SNX29: variants seen among roughly 807,000 people sequenced by gnomAD.
The protein encoded by SNX29 is sorting nexin 29, also known as sorting nexin-29.
Under a neutral mutation model 102.1 loss-of-function variants are expected in SNX29, and 78 were observed. The observed-to-expected ratio is 0.76, with a 90% CI of 0.64 to 0.92. The LOEUF is 0.92. SNX29 is among the 40% of genes least tolerant of loss of function. SNX29 has a pLI of 0.00. For synonymous variants in SNX29, 580 were observed against 414.5 expected (o/e 1.40, Z -4.85); for missense variants, 1,280 against 1,061.7 (o/e 1.21, Z -2.86).
rs140180813 is a variant in SNX29 at position 12,157,911 on chromosome 16, C to A, written c.1595+28153C>A. On this transcript the variant is annotated intron_variant, in intron 13 of 20. Coordinates refer to ENST00000566228, the MANE Select transcript of SNX29 (RefSeq NM_032167.5). Reference sequence around the variant, plus strand: ...CATCAGGAGCCAGCTGCAGTGTCACCACCTCTGTGAAGGCGCCGTGATTCC... The same window carrying A: ...CATCAGGAGCCAGCTGCAGTGTCACAACCTCTGTGAAGGCGCCGTGATTCC... 1.5e-4 allele frequency among the ~76,000 whole-genome samples: 23 copies of A among 152,330 alleles called. No individual in the cohort carries two copies. The East Asian group carries it at 4.1e-3, about 27-fold the overall frequency.
At chr16:11,999,397 A>C (rs767898974) in intron 2 of SNX29, 39 bp downstream of exon 2, 4 of 1,595,874 alleles carry the variant, frequency 2.5e-6, no homozygotes, top group African/African-American at 2.7e-5. Flanking sequence ...TGGTCGAGTA[A>C]TAGTGTCAGA....
intron 18 of SNX29, among the ~76,000 whole-genome samples, chr16:12,461,913 G>T (rs1424473690): frequency 7.8e-6 from 1 of 128,794 alleles, no homozygotes; most frequent in East Asian, 2.4e-4. Flanking sequence ...CTGAGATTGC[G>T]CCACTGCACT....
chr16:12,448,528 A>C (rs1258356392), intron 18 of SNX29, among the ~76,000 whole-genome samples: 1 of 149,568 alleles, frequency 6.7e-6, no homozygotes, highest in Non-Finnish European at 1.5e-5. Context: ...GTTATTTTTC[A>C]TGGTGACACC....
intron 14 of SNX29, among the ~76,000 whole-genome samples, chr16:12,219,951 C>G (rs559987131): frequency 1.3e-5 from 2 of 152,264 alleles, no homozygotes; most frequent in African/African-American, 4.8e-5. Flanking sequence ...TGCACGTGCA[C>G]GCACACACAC....
chr16:12,358,811 C>G (rs1450181288), intron 16 of SNX29, among the ~76,000 whole-genome samples: 3 of 152,124 alleles, frequency 2.0e-5, no homozygotes, highest in Admixed American at 6.6e-5. Flanking sequence ...CATAAAAGGC[C>G]CAGGAAGACA....
At position 12,539,019 on chromosome 16, in the gene SNX29, C is replaced by T. The variant is rs780905895; in HGVS notation, c.2318+14178C>T. Among the ~76,000 whole-genome samples the T allele has an allele frequency of 5.3e-5, 8 of 152,134 alleles. No homozygotes were observed. In the East Asian group the frequency reaches 7.7e-4, roughly 15 times the overall value. On this transcript the variant is annotated intron_variant, in intron 20 of 20. Coordinates refer to ENST00000566228, the MANE Select transcript of SNX29 (RefSeq NM_032167.5). ...ACCAGTAATTCGAGCCAAAACCATC[C>T]ATGAATCCAGAATGGGGCCCAGAAA...
At chr16:12,294,164 C>T (rs780213559) in intron 15 of SNX29, among the ~76,000 whole-genome samples, 2 of 152,224 alleles carry the variant, frequency 1.3e-5, no homozygotes, top group African/African-American at 2.4e-5. Context: ...GTCACCTGAC[C>T]TCTGTGAGCC....
chr16:11,990,635 C>T (rs1032898536), intron 1 of SNX29, among the ~76,000 whole-genome samples: 70 of 152,092 alleles, frequency 4.6e-4, no homozygotes, highest in Non-Finnish European at 7.4e-5. Flanking sequence ...TAGCGCCGGG[C>T]ATCCCAGATG....
At chr16:12,224,166 A>G (rs2077549100) in intron 14 of SNX29, among the ~76,000 whole-genome samples, 1 of 152,138 alleles carries the variant, frequency 6.6e-6, no homozygotes, top group Admixed American at 6.5e-5. Flanking sequence ...CTTGAGTAGT[A>G]GGTTATTGGG....
intron 18 of SNX29, among the ~76,000 whole-genome samples, chr16:12,427,937 G>A (rs1257365326): frequency 2.6e-5 from 4 of 152,306 alleles, no homozygotes; most frequent in Non-Finnish European, 5.9e-5. Flanking sequence ...GCAGTTACCC[G>A]AAGCACAGCT....
At chr16:12,283,311 G>GT (rs113453336) in intron 15 of SNX29, among the ~76,000 whole-genome samples, 2,427 of 140,254 alleles carry the variant, frequency 0.017, 31 homozygotes, top group African/African-American at 0.039. Context: ...AGATGGAGTT[G>GT]TTTTTTTTTT....
intron 16 of SNX29, among the ~76,000 whole-genome samples, chr16:12,380,999 A>T (rs1432074303): frequency 2.6e-4 from 7 of 27,268 alleles, no homozygotes; most frequent in Non-Finnish European, 4.0e-4. Flanking sequence ...CCACCCACCC[A>T]CCATCCATCC....
intron 12 of SNX29, among the ~76,000 whole-genome samples, chr16:12,128,105 A>G (rs560770688): frequency 2.6e-5 from 4 of 152,310 alleles, no homozygotes; most frequent in Non-Finnish European, 5.9e-5. Flanking sequence ...GATTTCTAAA[A>G]CAAAAGAGGA....
intron 18 of SNX29, among the ~76,000 whole-genome samples, chr16:12,444,956 G>A (rs1243637881): frequency 6.6e-6 from 1 of 151,680 alleles, no homozygotes; most frequent in African/African-American, 2.4e-5. Context: ...AGTTCAAGGG[G>A]TTCTCCTGCG....
chr16:12,572,372 G>T lies in SNX29; in HGVS notation c.*3743G>T, dbSNP rs1014921585. On this transcript the variant is annotated 3_prime_UTR_variant, in exon 21 of 21. Transcript: ENST00000566228. ...GATGGACAGCAGGCTCTGCCTTCTG[G>T]AGGCGGCTTATATCCCAACAGCCTG... is the stretch of plus-strand genomic sequence containing the variant. 3.0e-5 allele frequency: 32 copies of T among 1,063,060 alleles called. No homozygotes were observed. Among genetic ancestry groups the T allele is most frequent in the African/African-American group, 3.3e-5 (2 of 60,956 alleles). 65.9% of individuals were successfully genotyped at this position (1,063,060 alleles called of 1,614,324 possible).
At chr16:12,552,347 G>A (rs149673972) in intron 20 of SNX29, among the ~76,000 whole-genome samples, 136 of 152,248 alleles carry the variant, frequency 8.9e-4, no homozygotes, top group African/African-American at 3.2e-3. Context: ...TTCTGTGAGG[G>A]TTTAATAAGC....
At chr16:12,486,149 G>C (rs1021571539) in intron 19 of SNX29, among the ~76,000 whole-genome samples, 2 of 152,110 alleles carry the variant, frequency 1.3e-5, no homozygotes, top group East Asian at 3.9e-4. Context: ...TTCTTGGCTC[G>C]TGGCCCCTTC....
At chr16:12,257,400 ACT>A (rs1298927499) in intron 14 of SNX29, among the ~76,000 whole-genome samples, 6 of 152,008 alleles carry the variant, frequency 3.9e-5, no homozygotes, top group African/African-American at 1.5e-4. Flanking sequence ...AAGGTCTGTA[ACT>A]CTAATTATAT....
chr16:12,390,072 A>C (rs987700930), intron 16 of SNX29, among the ~76,000 whole-genome samples: 1 of 152,076 alleles, frequency 6.6e-6, no homozygotes, highest in African/African-American at 2.4e-5. Context: ...CTTTTCTTAT[A>C]GGTGATCCTT....
Sources: allele counts gnomAD v4.1 joint callset (sites outside exome capture counted in the v4.1 genomes callset), GRCh38; gene constraint gnomAD v4.1.1; transcripts MANE v1.5; gene names NCBI Gene and HGNC (gene_info 2026-07-23, HGNC 2026-07-21).